The following KIF13B variants were observed in gnomAD, a reference collection of about 807,000 sequenced individuals.
KIF13B encodes kinesin family member 13B.
In KIF13B, 127 loss-of-function variants were observed where a neutral mutation model predicts 222.0. That is an observed-to-expected ratio of 0.57 (90% CI 0.50 to 0.66). The LOEUF is 0.66. Ranked by LOEUF, KIF13B falls within the 30% of genes least tolerant of loss-of-function variation. The probability of loss-of-function intolerance (pLI) is 0.00; values close to 1 mark genes in which losing one functional copy is unlikely to be tolerated. For missense variants in KIF13B, 2,173 were observed against 2,379.0 expected (o/e 0.91, Z 1.80); for synonymous variants, 976 against 919.0 (o/e 1.06, Z -1.12).
At chr8:29,210,505 G>C (rs1814171333) in intron 2 of KIF13B, among the ~76,000 whole-genome samples, 1 of 152,154 alleles carries the variant, frequency 6.6e-6, no homozygotes, top group Non-Finnish European at 1.5e-5. Context: ...GCCCAAGAAA[G>C]CATCTTCTTT....
intron 26 of KIF13B, among the ~76,000 whole-genome samples, chr8:29,125,809 T>C (rs1810081573): frequency 6.6e-6 from 1 of 151,678 alleles, no homozygotes; most frequent in Non-Finnish European, 1.5e-5. Flanking sequence ...AAGATCTAGC[T>C]TAAAAAATGC....
intron 34 of KIF13B, 64 bp downstream of exon 34, chr8:29,109,370 C>T: frequency 7.8e-7 from 1 of 1,281,540 alleles, no homozygotes; most frequent in South Asian, 1.2e-5. Context: ...AGAAGAGTTA[C>T]CCAAGAAAAG....
At chr8:29,195,825 C>T (rs1453563987) in intron 3 of KIF13B, among the ~76,000 whole-genome samples, 1 of 152,096 alleles carries the variant, frequency 6.6e-6, no homozygotes, top group Non-Finnish European at 1.5e-5. Context: ...GGCTTGAGGC[C>T]GCGCAGGTTT....
intron 31 of KIF13B, among the ~76,000 whole-genome samples, chr8:29,114,680 G>T (rs138278021): frequency 1.1e-4 from 17 of 152,226 alleles, no homozygotes; most frequent in Non-Finnish European, 2.4e-4. Flanking sequence ...GAAATTGAGA[G>T]AGAAAATGGC....
chr8:29,183,138 ATAAG>A (rs1183753233), intron 6 of KIF13B, among the ~76,000 whole-genome samples: 5 of 151,294 alleles, frequency 3.3e-5, no homozygotes, highest in African/African-American at 1.2e-4. Flanking sequence ...CTTTTTTAAA[ATAAG>A]TAATAAATTA....
At chr8:29,237,752 G>C (rs1056899256) in intron 2 of KIF13B, among the ~76,000 whole-genome samples, 2 of 152,154 alleles carry the variant, frequency 1.3e-5, no homozygotes, top group African/African-American at 4.8e-5. Flanking sequence ...TTGACTACCT[G>C]CTTCCATTAA....
At chr8:29,111,917 A>G (rs1256896527) in intron 32 of KIF13B, among the ~76,000 whole-genome samples, 2 of 152,248 alleles carry the variant, frequency 1.3e-5, no homozygotes, top group Non-Finnish European at 2.9e-5. Flanking sequence ...CACACAGAGC[A>G]ATCTATTACA....
At chr8:29,246,480 A>G (rs566924581) in intron 1 of KIF13B, among the ~76,000 whole-genome samples, 1 of 152,280 alleles carries the variant, frequency 6.6e-6, no homozygotes, top group Admixed American at 6.5e-5. Flanking sequence ...CTCAAACAGG[A>G]AGACACTGCA....
chr8:29,076,798 C>T (rs906300027), intron 37 of KIF13B, among the ~76,000 whole-genome samples: 2 of 152,118 alleles, frequency 1.3e-5, no homozygotes, highest in Admixed American at 6.5e-5. Context: ...GGAAACGCAG[C>T]GATCAGGCTT....
rs193191087 is a variant in KIF13B, at chr8:29,179,317, T to C, written c.720+787A>G. Among the ~76,000 whole-genome samples, 439 of 152,166 alleles carry C rather than the reference T, an allele frequency of 2.9e-3. 1 individual carries two copies. The highest frequency in any genetic ancestry group is 0.01 in the African/African-American group (417 of 41,516). On this transcript the variant is annotated intron_variant, in intron 8 of 39. Transcript: ENST00000524189. The stretch of plus-strand genomic sequence containing the variant: ...ATATTCTGTAGAAATGGAGTCTCAT[T>C]ATGTTACCAGGCTGTTCTCCAACTC...
At chr8:29,136,535 A>G (rs1295281476) in intron 21 of KIF13B, among the ~76,000 whole-genome samples, 1 of 152,032 alleles carries the variant, frequency 6.6e-6, no homozygotes, top group East Asian at 1.9e-4. Flanking sequence ...GTGAGTTGAC[A>G]TCACGCCATT....
chr8:29,187,246 G>C (rs961597740), intron 5 of KIF13B, among the ~76,000 whole-genome samples: 1 of 152,088 alleles, frequency 6.6e-6, no homozygotes, highest in Non-Finnish European at 1.5e-5. Context: ...TTATTTTCTC[G>C]GCTGAATGCG....
At chr8:29,103,325 C>T (rs1032468551) in intron 35 of KIF13B, among the ~76,000 whole-genome samples, 2 of 151,558 alleles carry the variant, frequency 1.3e-5, no homozygotes, top group African/African-American at 4.9e-5. Context: ...TTGCAAAAGA[C>T]CTCAATGCAC....
At chr8:29,187,671 C>T (rs1812998268) in intron 5 of KIF13B, among the ~76,000 whole-genome samples, 1 of 152,180 alleles carries the variant, frequency 6.6e-6, no homozygotes, top group Non-Finnish European at 1.5e-5. Context: ...AAGTATAATT[C>T]CTTCTGTTTT....
chr8:29,211,415 C>T (rs1440830070), intron 2 of KIF13B, among the ~76,000 whole-genome samples: 1 of 152,236 alleles, frequency 6.6e-6, no homozygotes, highest in African/African-American at 2.4e-5. Context: ...TTCGACTGCC[C>T]AGGTTTTCTG....
At chr8:29,189,432 T>C (rs1340176518) in intron 4 of KIF13B, 5 of 152,038 alleles carry the variant, frequency 3.3e-5, no homozygotes, top group African/African-American at 1.2e-4. Flanking sequence ...TTAAAAGAGA[T>C]TGTTTAAAAA....
At chr8:29,184,306 G>C (rs533305460) in intron 6 of KIF13B, among the ~76,000 whole-genome samples, 2 of 151,512 alleles carry the variant, frequency 1.3e-5, no homozygotes, top group Non-Finnish European at 2.9e-5. Context: ...CATTTACTTT[G>C]AATCTTCAGA....
intron 38 of KIF13B, 85 bp from the exon 39 acceptor site, chr8:29,072,401 A>G (rs761703614): frequency 6.8e-5 from 63 of 931,414 alleles, no homozygotes; most frequent in Non-Finnish European, 9.3e-5. Flanking sequence ...GGAAAAGAGC[A>G]TGAGGCCAGG....
chr8:29,256,299 C>T lies in KIF13B; in HGVS notation c.55+6681G>A, dbSNP rs192479041. Among the ~76,000 whole-genome samples, 10 of 152,322 alleles carry T rather than the reference C, an allele frequency of 6.6e-5. No homozygotes were observed. The South Asian group carries it at 8.3e-4, about 13-fold the overall frequency. On this transcript the variant is annotated intron_variant, in intron 1 of 39. Coordinates refer to ENST00000524189, the MANE Select transcript of KIF13B (RefSeq NM_015254.4). Reference sequence around the variant, plus strand: ...GTCATCTAAATCAGAGACTTTGCAGCGGATTCCCCAAGTTCAGTGATCCTC... The same window carrying T: ...GTCATCTAAATCAGAGACTTTGCAGTGGATTCCCCAAGTTCAGTGATCCTC...
Sources: gnomAD v4.1 joint callset for allele counts (sites outside exome capture counted in the v4.1 genomes callset) on GRCh38, gnomAD v4.1.1 for gene constraint, MANE v1.5 for transcripts, NCBI Gene and HGNC (gene_info 2026-07-23, HGNC 2026-07-21) for gene names.